CREB5: variants seen among roughly 807,000 people sequenced by gnomAD.
The protein encoded by CREB5 is cyclic AMP-responsive element-binding protein 5.
CREB5 carries 19 observed loss-of-function variants against 57.1 expected under a neutral mutation model. The ratio of observed to expected loss-of-function variants is 0.33; its 90% CI spans 0.23 to 0.49. The LOEUF is 0.49. Among genes scored for constraint, CREB5 ranks in the 20% least tolerant of loss-of-function variants. The pLI, the probability that CREB5 is intolerant of heterozygous loss-of-function variation, is 0.99. For missense variants in CREB5, 579 were observed against 671.6 expected, an observed-to-expected ratio of 0.86 and a Z score of 1.52; for synonymous variants, 238 against 238.3, an observed-to-expected ratio of 1.00 and a Z score of 0.01.
At chr7:28,452,136 T>A (rs190663434) in intron 1 of CREB5, among the ~76,000 whole-genome samples, 14 of 152,304 alleles carry the variant, frequency 9.2e-5, no homozygotes, top group African/African-American at 3.1e-4. Flanking sequence ...CACTGCAGAA[T>A]CTCAGCACTT....
At chr7:28,364,234 G>A (rs117263815) in intron 1 of CREB5, among the ~76,000 whole-genome samples, 3,923 of 152,244 alleles carry the variant, frequency 0.026, 103 homozygotes, top group Admixed American at 0.058. Flanking sequence ...TGGAATAAAC[G>A]AGAAAATGCC....
At chr7:28,549,771 T>C (rs1196411659) in intron 4 of CREB5, among the ~76,000 whole-genome samples, 1 of 152,150 alleles carries the variant, frequency 6.6e-6, no homozygotes, top group East Asian at 1.9e-4. Context: ...AGAAACCTAA[T>C]ACAGAGCTTA....
chr7:28,590,820 G>C (rs901025079), intron 5 of CREB5, among the ~76,000 whole-genome samples: 2 of 151,962 alleles, frequency 1.3e-5, no homozygotes, highest in African/African-American at 2.4e-5. Flanking sequence ...TGCCCTCCAA[G>C]CCTGTGGTGA....
chr7:28,316,189 T>C (rs1562653613), intron 1 of CREB5, among the ~76,000 whole-genome samples: 1 of 152,104 alleles, frequency 6.6e-6, no homozygotes, highest in African/African-American at 2.4e-5. Flanking sequence ...CTTCAAGTGC[T>C]TTCACCCACA....
At chr7:28,750,157 G>T (rs1380715821) in intron 7 of CREB5, among the ~76,000 whole-genome samples, 3 of 151,650 alleles carry the variant, frequency 2.0e-5, no homozygotes, top group African/African-American at 7.3e-5. Context: ...TCTTTATGTT[G>T]TAGAGCTCAG....
intron 1 of CREB5, among the ~76,000 whole-genome samples, chr7:28,315,299 A>G (rs1300458304): frequency 6.6e-6 from 1 of 152,194 alleles, no homozygotes. Flanking sequence ...TTTGTTAAAA[A>G]CAGACTTCTG....
chr7:28,576,323 T>A (rs532767459), intron 5 of CREB5, among the ~76,000 whole-genome samples: 2 of 152,362 alleles, frequency 1.3e-5, no homozygotes, highest in East Asian at 3.9e-4. Context: ...TTATTTCCTG[T>A]AATTCTTCAA....
intron 1 of CREB5, among the ~76,000 whole-genome samples, chr7:28,315,396 G>T (rs1785358338): frequency 6.6e-6 from 1 of 152,214 alleles, no homozygotes; most frequent in Non-Finnish European, 1.5e-5. Flanking sequence ...CCGAAGCTGA[G>T]GTTGCCTTCT....
At chr7:28,577,062 A>G (rs961661350) in intron 5 of CREB5, among the ~76,000 whole-genome samples, 2 of 152,202 alleles carry the variant, frequency 1.3e-5, no homozygotes, top group African/African-American at 4.8e-5. Flanking sequence ...AGTCAAGGAA[A>G]AGCATTGTCA....
intron 9 of CREB5, 44 bp downstream of exon 9, chr7:28,809,458 CT>C: frequency 6.6e-7 from 1 of 1,523,958 alleles, no homozygotes; most frequent in African/African-American, 1.4e-5. Flanking sequence ...AGGCCCTCTG[CT>C]CCACGGGCAT....
At chr7:28,684,692 G>T (rs1800769960) in intron 5 of CREB5, among the ~76,000 whole-genome samples, 1 of 152,090 alleles carries the variant, frequency 6.6e-6, no homozygotes, top group Non-Finnish European at 1.5e-5. Context: ...GCCACAAAAG[G>T]CATTAGGGGC....
At chr7:28,753,133 A>G (rs1484232612) in intron 7 of CREB5, among the ~76,000 whole-genome samples, 1 of 152,148 alleles carries the variant, frequency 6.6e-6, no homozygotes, top group Non-Finnish European at 1.5e-5. Context: ...AGACCCAAGC[A>G]GAGATTTATG....
chr7:28,472,606 A>C (rs1395876011), intron 1 of CREB5, among the ~76,000 whole-genome samples: 1 of 152,128 alleles, frequency 6.6e-6, no homozygotes, highest in African/African-American at 2.4e-5. Context: ...CGCATGGGAT[A>C]GGCTGTGTGT....
At chr7:28,586,177 C>G (rs891641574) in intron 5 of CREB5, among the ~76,000 whole-genome samples, 1 of 152,192 alleles carries the variant, frequency 6.6e-6, no homozygotes, top group Non-Finnish European at 1.5e-5. Flanking sequence ...AAAGCCCATG[C>G]TCCTTGTGGT....
At chr7:28,598,734 A>G (rs1204670500) in intron 5 of CREB5, among the ~76,000 whole-genome samples, 1 of 152,094 alleles carries the variant, frequency 6.6e-6, no homozygotes, top group Non-Finnish European at 1.5e-5. Context: ...GGCTCAATTT[A>G]CATTCTGTGA....
At chr7:28,300,344 T>C (rs1043373751) in intron 1 of CREB5, among the ~76,000 whole-genome samples, 1 of 152,224 alleles carries the variant, frequency 6.6e-6, no homozygotes, top group African/African-American at 2.4e-5. Flanking sequence ...ATTACATTTA[T>C]ATGCCGTCAA....
At chr7:28,567,859 C>T (rs181427524) in intron 4 of CREB5, among the ~76,000 whole-genome samples, 30 of 151,152 alleles carry the variant, frequency 2.0e-4, no homozygotes, top group Middle Eastern at 3.4e-3. Flanking sequence ...GGGTCCCACA[C>T]GGACTTCAGA....
rs1160068794 is a variant in CREB5 at position 28,608,109 on chromosome 7, TCTCTCACACACA to T, written c.464+37576_464+37587del. On this transcript the variant is annotated intron_variant, in intron 5 of 10. Transcript: ENST00000357727. ...CTCTCTCTCTGTCTCTCTCTCTCTC[TCTCTCACACACA>T]CTCACACACACACACACACACACAC... 5.7e-3 allele frequency among the ~76,000 whole-genome samples: 199 copies of T among 35,214 alleles called. 4 individuals carry two copies. The highest frequency in any genetic ancestry group is 0.021 in the African/African-American group (182 of 8,706). 23.1% of individuals were successfully genotyped at this position (35,214 alleles called of 152,430 possible).
chr7:28,560,995 C>CGTGT (rs1562798331), intron 4 of CREB5, among the ~76,000 whole-genome samples: 1 of 27,346 alleles, frequency 3.7e-5, no homozygotes, highest in South Asian at 1.5e-3. Flanking sequence ...CGTGTGTGTG[C>CGTGT]CTGCGTGTGC....
Sources: gnomAD v4.1 joint callset for allele counts (sites outside exome capture counted in the v4.1 genomes callset) on GRCh38, gnomAD v4.1.1 for gene constraint, MANE v1.5 for transcripts, NCBI Gene and HGNC (gene_info 2026-07-23, HGNC 2026-07-21) for gene names.